The following DACH2 variants were observed in gnomAD, a reference collection of about 807,000 sequenced individuals.
DACH2 encodes the protein dachshund homolog 2.
A neutral mutation model predicts 35.8 loss-of-function variants in DACH2; 17 were observed. That is an observed-to-expected ratio of 0.48 (90% CI 0.33 to 0.71). DACH2 has a LOEUF of 0.71. Ranked by LOEUF, DACH2 falls within the 30% of genes least tolerant of loss-of-function variation. The pLI is 0.02. For missense variants in DACH2, 469 were observed against 472.7 expected, an observed-to-expected ratio of 0.99 and a Z score of 0.07; for synonymous variants, 195 against 177.3, an observed-to-expected ratio of 1.10 and a Z score of -0.79.
At chrX:86,423,455 C>T (rs2036839357) in intron 2 of DACH2, among the ~76,000 whole-genome samples, 1 of 110,562 alleles carries the variant, frequency 9.0e-6, no homozygotes. Context: ...CCTGTTTGCC[C>T]TTTTTATGTC....
intron 2 of DACH2, among the ~76,000 whole-genome samples, chrX:86,462,033 C>A (rs2037583130): frequency 9.0e-6 from 1 of 111,058 alleles, no homozygotes; most frequent in Non-Finnish European, 1.9e-5. Flanking sequence ...ACTTTATGCA[C>A]AAATTAAAGG....
At chrX:86,551,745 A>T (rs1416510555) in intron 3 of DACH2, among the ~76,000 whole-genome samples, 1 of 111,760 alleles carries the variant, frequency 8.9e-6, no homozygotes, top group Non-Finnish European at 1.9e-5. Context: ...TTCCTTTCTG[A>T]TGACTTAAAT....
At chrX:86,632,187 T>C (rs2040208915) in intron 3 of DACH2, among the ~76,000 whole-genome samples, 1 of 110,950 alleles carries the variant, frequency 9.0e-6, no homozygotes, top group Non-Finnish European at 1.9e-5. Flanking sequence ...GATTATGAAT[T>C]TTGGTATTAG....
At chrX:86,784,149 A>C (rs1409053776) in intron 7 of DACH2, among the ~76,000 whole-genome samples, 1 of 110,675 alleles carries the variant, frequency 9.0e-6, no homozygotes, top group Non-Finnish European at 1.9e-5. Flanking sequence ...AAAATTAAAA[A>C]AAAAACTAAA....
At chrX:86,465,726 A>G (rs762082744) in intron 2 of DACH2, among the ~76,000 whole-genome samples, 2 of 111,909 alleles carry the variant, frequency 1.8e-5, no homozygotes, top group South Asian at 3.7e-4. Flanking sequence ...TGACCTGAAG[A>G]GTCTTGTAGT....
intron 3 of DACH2, among the ~76,000 whole-genome samples, chrX:86,579,219 G>T (rs929561213): frequency 1.1e-4 from 12 of 108,995 alleles, no homozygotes; most frequent in Non-Finnish European, 1.5e-4. Flanking sequence ...CAGCCTCCCT[G>T]GTAGCTGGGA....
At chrX:86,330,663 T>A (rs1371889250) in intron 1 of DACH2, among the ~76,000 whole-genome samples, 1 of 112,090 alleles carries the variant, frequency 8.9e-6, no homozygotes, top group Non-Finnish European at 1.9e-5. Flanking sequence ...TTAAATGGTG[T>A]TAATTGACTG....
At chrX:86,807,863 T>C (rs771503906) in intron 7 of DACH2, among the ~76,000 whole-genome samples, 3 of 112,306 alleles carry the variant, frequency 2.7e-5, no homozygotes, top group Non-Finnish European at 5.6e-5. Context: ...CTGTAATGTA[T>C]CTAGCAATCC....
intron 2 of DACH2, among the ~76,000 whole-genome samples, chrX:86,436,464 G>T (rs181128503): frequency 1.1e-3 from 119 of 110,532 alleles, no homozygotes; most frequent in African/African-American, 3.7e-3. Context: ...TGAGGTGATG[G>T]ACTGTGTTAA....
chrX:86,497,297 G>T (rs2038186208), intron 2 of DACH2, among the ~76,000 whole-genome samples: 1 of 111,876 alleles, frequency 8.9e-6, no homozygotes, highest in Admixed American at 9.5e-5. Context: ...TACAATATTG[G>T]TTTTAACAAC....
chrX:86,814,314 T>A (rs1037973978), intron 9 of DACH2, among the ~76,000 whole-genome samples: 1 of 112,407 alleles, frequency 8.9e-6, no homozygotes, highest in African/African-American at 3.2e-5. Context: ...AGTAACCTGA[T>A]GAATAATAAG....
At chrX:86,686,980 T>C (rs771626806) in intron 4 of DACH2, among the ~76,000 whole-genome samples, 26 of 112,489 alleles carry the variant, frequency 2.3e-4, no homozygotes, top group South Asian at 7.3e-4. Context: ...GAATTTTACA[T>C]TTACTTCGTG....
At chrX:86,799,502 C>T (rs1357999818) in intron 7 of DACH2, among the ~76,000 whole-genome samples, 2 of 111,284 alleles carry the variant, frequency 1.8e-5, no homozygotes, top group Non-Finnish European at 3.8e-5. Flanking sequence ...TCATCTCATT[C>T]GGACTGGTTG....
chrX:86,185,398 G>A lies in DACH2; in HGVS notation c.488+36290G>A, dbSNP rs763644708. On this transcript the variant is annotated intron_variant, in intron 1 of 11. Coordinates refer to ENST00000373125, the MANE Select transcript of DACH2 (RefSeq NM_053281.3). ...GCTTTTCTCCAGCCCTTTATTCCATGTAGGGGTAGGGAATCTTAATGAGAT... is the reference window on the plus strand; with the variant it reads ...GCTTTTCTCCAGCCCTTTATTCCATATAGGGGTAGGGAATCTTAATGAGAT... Among the ~76,000 whole-genome samples the A allele has an allele frequency of 2.3e-4, 26 of 111,505 alleles. No homozygotes were observed. In the South Asian group the frequency reaches 9.8e-3, roughly 42 times the overall value.
intron 7 of DACH2, among the ~76,000 whole-genome samples, chrX:86,782,493 T>C (rs2042097954): frequency 9.0e-6 from 1 of 111,461 alleles, no homozygotes; most frequent in Admixed American, 9.6e-5. Context: ...TCACATTGCC[T>C]GACTTTCAAT....
intron 2 of DACH2, among the ~76,000 whole-genome samples, chrX:86,505,315 T>C: frequency 8.9e-6 from 1 of 111,995 alleles, no homozygotes; most frequent in Non-Finnish European, 1.9e-5. Flanking sequence ...TGTATCTTCT[T>C]AGCTATTTTT....
intron 1 of DACH2, among the ~76,000 whole-genome samples, chrX:86,327,568 A>G (rs1412060163): frequency 1.8e-5 from 2 of 110,782 alleles, no homozygotes; most frequent in South Asian, 3.8e-4. Flanking sequence ...GAATGAAGCT[A>G]TCATGAGTAC....
intron 2 of DACH2, among the ~76,000 whole-genome samples, chrX:86,421,996 G>C: frequency 9.0e-6 from 1 of 111,046 alleles, no homozygotes; most frequent in Non-Finnish European, 1.9e-5. Flanking sequence ...GAGGCAATGG[G>C]CCAGAATACA....
At chrX:86,392,875 T>C (rs928232599) in intron 2 of DACH2, among the ~76,000 whole-genome samples, 1 of 111,408 alleles carries the variant, frequency 9.0e-6, no homozygotes, top group Admixed American at 9.6e-5. Flanking sequence ...CCAGTGGTTC[T>C]CAACCAGAGG....
Sources: gnomAD v4.1 joint callset for allele counts (sites outside exome capture counted in the v4.1 genomes callset) on GRCh38, gnomAD v4.1.1 for gene constraint, MANE v1.5 for transcripts, NCBI Gene and HGNC (gene_info 2026-07-23, HGNC 2026-07-21) for gene names.